Variants in RELN observed in about 807,000 individuals in gnomAD.
The protein encoded by RELN is reelin.
Under a neutral mutation model 427.6 loss-of-function variants are expected in RELN, and 108 were observed. That is an observed-to-expected ratio of 0.25 (90% CI 0.22 to 0.30). RELN has a LOEUF of 0.30. RELN is among the 10% of genes least tolerant of loss of function. The probability of loss-of-function intolerance (pLI) is 1.00; values close to 1 mark genes in which losing one functional copy is unlikely to be tolerated. For synonymous variants in RELN, 1,524 were observed against 1,513.4 expected (o/e 1.01, Z -0.16); for missense variants, 3,715 against 4,302.8 (o/e 0.86, Z 3.82).
chr7:103,566,137 T>C, intron 33 of RELN, 87 bp downstream of exon 33: 1 of 1,198,246 alleles, frequency 8.3e-7, no homozygotes, highest in Non-Finnish European at 1.2e-6. Flanking sequence ...CACACGGTTT[T>C]GCATTAGAAA....
chr7:103,585,988 T>C (rs1438866031), intron 28 of RELN, among the ~76,000 whole-genome samples: 2 of 152,110 alleles, frequency 1.3e-5, no homozygotes, highest in Non-Finnish European at 2.9e-5. Context: ...GAAAGAGCAT[T>C]AGATAAAATC....
At chr7:103,909,350 TAAAAC>T (rs779525061) in intron 2 of RELN, among the ~76,000 whole-genome samples, 9 of 151,634 alleles carry the variant, frequency 5.9e-5, no homozygotes, top group Admixed American at 1.3e-4. Context: ...CAGTGAAAAA[TAAAAC>T]AAAATAGTAA....
chr7:103,858,633 T>A (rs1235436067), intron 2 of RELN, among the ~76,000 whole-genome samples: 5 of 152,192 alleles, frequency 3.3e-5, no homozygotes, highest in African/African-American at 1.2e-4. Context: ...CTTATTTACA[T>A]GAGCCTTTCC....
chr7:103,553,657 T>TA lies in RELN; in HGVS notation c.5969+2dup. On this transcript the variant is annotated splice_region_variant and intron_variant, in intron 39 of 64. Coordinates refer to ENST00000428762, the MANE Select transcript of RELN (RefSeq NM_005045.4). ...GTTTTATTTTTAGATTCTTAATACT[T>TA]ACGGTGCCCCCTTTGAAGAATATGG... 6.2e-7 allele frequency: 1 copy of TA among 1,613,934 alleles called. No homozygotes were observed. The highest frequency in any genetic ancestry group is 8.5e-7 in the Non-Finnish European group (1 of 1,179,856).
chr7:103,618,112 G>A (rs886405669), intron 20 of RELN, among the ~76,000 whole-genome samples: 2 of 152,154 alleles, frequency 1.3e-5, no homozygotes, highest in African/African-American at 4.8e-5. Flanking sequence ...AATCTTTATA[G>A]GAACACAAAT....
At chr7:103,702,756 C>G (rs1834120977) in intron 8 of RELN, among the ~76,000 whole-genome samples, 1 of 152,202 alleles carries the variant, frequency 6.6e-6, no homozygotes, top group Non-Finnish European at 1.5e-5. Flanking sequence ...GGGACCCTCA[C>G]TGGCTCTTGC....
At chr7:103,490,572 G>T in intron 59 of RELN, 96 bp downstream of exon 59, 1 of 1,324,142 alleles carries the variant, frequency 7.6e-7, no homozygotes, top group Non-Finnish European at 1.1e-6. Context: ...TGCATGTAAA[G>T]CTCTGCCTCA....
chr7:103,581,456 T>C (rs554785949), intron 28 of RELN, among the ~76,000 whole-genome samples: 1 of 152,262 alleles, frequency 6.6e-6, no homozygotes, highest in South Asian at 2.1e-4. Flanking sequence ...CTGATGGAGA[T>C]AATACAACCA....
chr7:103,546,208 C>T (rs533310075), intron 41 of RELN, among the ~76,000 whole-genome samples: 240 of 152,292 alleles, frequency 1.6e-3, no homozygotes, highest in Admixed American at 3.9e-3. Context: ...TATGGACTGA[C>T]GTATTCTGGA....
At chr7:103,602,807 G>T (rs1481808560) in intron 24 of RELN, among the ~76,000 whole-genome samples, 1 of 151,992 alleles carries the variant, frequency 6.6e-6, no homozygotes, top group East Asian at 1.9e-4. Context: ...TTCTGCACAT[G>T]TACCCCAGAA....
intron 2 of RELN, among the ~76,000 whole-genome samples, chr7:103,897,075 G>T (rs904777145): frequency 6.6e-6 from 1 of 151,970 alleles, no homozygotes; most frequent in Non-Finnish European, 1.5e-5. Context: ...GATCTCATGA[G>T]ACCTATTCAC....
intron 10 of RELN, among the ~76,000 whole-genome samples, chr7:103,692,416 CAAT>C (rs1424225234): frequency 3.9e-5 from 6 of 152,096 alleles, no homozygotes; most frequent in African/African-American, 1.2e-4. Flanking sequence ...TGCCAGCTCA[CAAT>C]AATACCTGCC....
At chr7:103,681,830 G>GA (rs984666000) in intron 11 of RELN, among the ~76,000 whole-genome samples, 1 of 151,852 alleles carries the variant, frequency 6.6e-6, no homozygotes, top group African/African-American at 2.4e-5. Context: ...TAAACATTGG[G>GA]AAAAAAACCT....
chr7:103,771,060 C>T (rs557214079), intron 4 of RELN, among the ~76,000 whole-genome samples: 4 of 151,820 alleles, frequency 2.6e-5, no homozygotes, highest in Non-Finnish European at 4.4e-5. Flanking sequence ...GGACTACAGG[C>T]ACCTGCCACC....
chr7:103,784,288 T>G (rs1791963658), intron 3 of RELN, among the ~76,000 whole-genome samples: 1 of 152,190 alleles, frequency 6.6e-6, no homozygotes, highest in Non-Finnish European at 1.5e-5. Flanking sequence ...CAGGAATATG[T>G]AATTTATTTC....
intron 60 of RELN, among the ~76,000 whole-genome samples, chr7:103,488,600 G>T (rs753207850): frequency 6.6e-6 from 1 of 152,178 alleles, no homozygotes; most frequent in African/African-American, 2.4e-5. Flanking sequence ...AAATAGATCC[G>T]ACTCCAGAAT....
In RELN at chr7:103,636,544, A is replaced by G. The variant is rs1562933847; in HGVS notation, c.2070-76T>C. ...ATTCTCGAATCTACTTTGGGGAGGA[A>G]GAAGTCCAGAGACTAGGATTTGATT... is the stretch of plus-strand genomic sequence containing the variant. On this transcript the variant is annotated intron_variant, in intron 17 of 64. Coordinates refer to ENST00000428762, the MANE Select transcript of RELN (RefSeq NM_005045.4). The G allele has an allele frequency of 3.3e-6, 3 of 908,294 alleles. No individual in the cohort carries two copies. The East Asian group carries it at 7.8e-5, about 24-fold the overall frequency. 56.3% of individuals were successfully genotyped at this position (908,294 alleles called of 1,614,324 possible).
intron 2 of RELN, among the ~76,000 whole-genome samples, chr7:103,853,065 C>T (rs1204632789): frequency 1.3e-5 from 2 of 152,028 alleles, no homozygotes; most frequent in Non-Finnish European, 2.9e-5. Flanking sequence ...CTGATTGTTT[C>T]ATACCCCTTG....
intron 1 of RELN, among the ~76,000 whole-genome samples, chr7:103,986,838 A>G (rs1327017748): frequency 1.3e-5 from 2 of 152,084 alleles, no homozygotes; most frequent in Non-Finnish European, 2.9e-5. Context: ...CTTGGGCAAA[A>G]GACCTTTCAT....
Sources: allele counts gnomAD v4.1 joint callset (sites outside exome capture counted in the v4.1 genomes callset), GRCh38; gene constraint gnomAD v4.1.1; transcripts MANE v1.5; gene names NCBI Gene and HGNC (gene_info 2026-07-23, HGNC 2026-07-21).